ADH7: variants seen among roughly 807,000 people sequenced by gnomAD.
ADH7 encodes alcohol dehydrogenase 7 (class IV), mu or sigma polypeptide.
In ADH7, 41 loss-of-function variants were observed where a neutral mutation model predicts 34.4. The ratio of observed to expected loss-of-function variants is 1.19; its 90% confidence interval spans 0.93 to 1.55. The LOEUF is 1.55. Ranked by LOEUF, ADH7 falls within the 40% of genes most tolerant of loss-of-function variation. The pLI, the probability that ADH7 is intolerant of heterozygous loss-of-function variation, is 0.00. For missense variants in ADH7, 540 were observed against 461.2 expected (o/e 1.17, Z -1.56); for synonymous variants, 180 against 160.9 (o/e 1.12, Z -0.90).
intron 3 of ADH7, 35 bp from the exon 4 acceptor site, chr4:99,428,209 C>A: frequency 6.4e-7 from 1 of 1,553,792 alleles, no homozygotes; most frequent in Non-Finnish European, 8.9e-7. Flanking sequence ...AGATGCTGTT[C>A]ATTAATGTTA....
rs1021485915 is a variant in ADH7, at chr4:99,418,889, T to C, written c.961+97A>G. ...TCCATTTTAGATCACTTCATACTCA[T>C]TCTTGGAAGAAAGGCCTGAGGAAAC... On this transcript the variant is annotated intron_variant, in intron 7 of 8. Transcript: ENST00000437033. 19 of 1,428,622 alleles carry C rather than the reference T, an allele frequency of 1.3e-5. No individual in the cohort carries two copies. In the African/African-American group the frequency reaches 2.4e-4, roughly 18 times the overall value. The allele number at this position is 1,428,622 out of a possible 1,614,324, so 88.5% of individuals were successfully genotyped here.
At chr4:99,422,031 A>G (rs1367772830) in intron 5 of ADH7, among the ~76,000 whole-genome samples, 7 of 152,142 alleles carry the variant, frequency 4.6e-5, no homozygotes, top group Non-Finnish European at 8.8e-5. Flanking sequence ...TGGAGAAATA[A>G]GAACGCTTTT....
intron 2 of ADH7, 91 bp downstream of exon 2, chr4:99,429,441 C>T: frequency 1.2e-6 from 1 of 866,072 alleles, no homozygotes; most frequent in Non-Finnish European, 1.8e-6. Context: ...GGAAGCATCT[C>T]CTTATTTAAG....
intron 5 of ADH7, among the ~76,000 whole-genome samples, chr4:99,422,567 C>T (rs959245854): frequency 8.5e-5 from 13 of 152,094 alleles, no homozygotes; most frequent in East Asian, 7.7e-4. Context: ...ACCACCATGG[C>T]GCACGTATAC....
chr4:99,435,183 A>C (rs762813967), intron 1 of ADH7, 33 bp downstream of exon 1: 14 of 1,609,526 alleles, frequency 8.7e-6, no homozygotes, highest in Non-Finnish European at 1.1e-5. Context: ...TCATTAGGTC[A>C]TGATGAGGAG....
intron 7 of ADH7, among the ~76,000 whole-genome samples, chr4:99,416,289 T>C (rs1032157509): frequency 3.3e-5 from 5 of 152,280 alleles, no homozygotes; most frequent in African/African-American, 1.2e-4. Context: ...TGTTTCTGGA[T>C]CCTGTTCCTT....
At chr4:99,428,452 C>A in intron 3 of ADH7, 40 bp downstream of exon 3, 2 of 1,595,968 alleles carry the variant, frequency 1.3e-6, no homozygotes, top group Non-Finnish European at 1.7e-6. Context: ...CTAATCAAAG[C>A]CTAATTATTT....
chr4:99,422,596 C>A (rs6831961), intron 5 of ADH7, among the ~76,000 whole-genome samples: 7,709 of 151,974 alleles, frequency 0.051, 383 homozygotes, highest in African/African-American at 0.12. Context: ...CAAACCTGCA[C>A]GCTCTGCACA....
chr4:99,417,389 C>T (rs1721544142), intron 7 of ADH7, among the ~76,000 whole-genome samples: 1 of 152,108 alleles, frequency 6.6e-6, no homozygotes. Flanking sequence ...GTTGTATTTA[C>T]TACGTCTCCT....
chr4:99,415,852 C>T (rs925204294), intron 7 of ADH7: 15 of 277,304 alleles, frequency 5.4e-5, no homozygotes, highest in Non-Finnish European at 1.0e-4. Flanking sequence ...AACCATCATT[C>T]TCAGCAAACT....
chr4:99,424,155 T>A (rs1236816628), intron 5 of ADH7, among the ~76,000 whole-genome samples: 1 of 152,236 alleles, frequency 6.6e-6, no homozygotes, highest in Non-Finnish European at 1.5e-5. Flanking sequence ...CCATTTCTTG[T>A]TTTTCTCAGG....
At position 99,427,960 on chromosome 4, in the gene ADH7, C is replaced by A; in HGVS notation, c.377G>T (p.Gly126Val). Residue 126 changes from glycine to valine, a missense_variant, in exon 5 of 9, where the codon GGC becomes GTC. Coordinates refer to ENST00000437033, the MANE Select transcript of ADH7 (RefSeq NM_000673.7). Reference protein sequence around the residue: ...DITGRGVLADGTTRFTCKGKP... With the variant: ...DITGRGVLADVTTRFTCKGKP... ...GCCCTTGCATGTAAATCTGGTGGTG[C>A]CATCAGCCAGTACTCCACGACCAGT... 6.2e-7 allele frequency: 1 copy of A among 1,613,930 alleles called. No individual in the cohort carries two copies. The highest frequency in any genetic ancestry group is 1.3e-5 in the African/African-American group (1 of 75,020).
intron 6 of ADH7, among the ~76,000 whole-genome samples, chr4:99,419,600 C>T (rs1167667418): frequency 6.6e-6 from 1 of 151,964 alleles, no homozygotes; most frequent in Admixed American, 6.6e-5. Context: ...GGTCATTAAC[C>T]CATCCAGTTA....
At chr4:99,431,056 C>G (rs1335077147) in intron 1 of ADH7, among the ~76,000 whole-genome samples, 2 of 152,154 alleles carry the variant, frequency 1.3e-5, no homozygotes, top group African/African-American at 4.8e-5. Flanking sequence ...CCTCGGCCTC[C>G]CAGAGAGCTG....
chr4:99,426,700 A>G (rs1721813533), intron 5 of ADH7, among the ~76,000 whole-genome samples: 1 of 152,196 alleles, frequency 6.6e-6, no homozygotes, highest in Admixed American at 6.5e-5. Context: ...ATCCTCCCTA[A>G]CTCATTTTAT....
At chr4:99,434,953 A>T in intron 1 of ADH7, 1 of 1,277,036 alleles carries the variant, frequency 7.8e-7, no homozygotes, top group Non-Finnish European at 1.1e-6. Context: ...AATTATGAAT[A>T]ATGCCAATAT....
chr4:99,429,526 G>C lies in ADH7; in HGVS notation c.120+6C>G, dbSNP rs748568538. The C allele has an allele frequency of 1.2e-6, 2 of 1,605,672 alleles. No individual in the cohort carries two copies. Among genetic ancestry groups the C allele is most frequent in the Non-Finnish European group, 1.7e-6 (2 of 1,174,338 alleles). On this transcript the variant is annotated splice_donor_region_variant and intron_variant, in intron 2 of 8. Transcript: ENST00000437033. ...TTGGCTTAAGTTCTCTAGGGCTCAC[G>C]CTTACCTTAATGCGAACTTCTTTAG...
chr4:99,420,418 C>G, intron 6 of ADH7, 115 bp downstream of exon 6: 1 of 1,230,248 alleles, frequency 8.1e-7, no homozygotes, highest in Non-Finnish European at 1.1e-6. Flanking sequence ...GTAAAACTGA[C>G]TATCGCAGAG....
intron 7 of ADH7, among the ~76,000 whole-genome samples, chr4:99,417,852 A>G (rs1349276558): frequency 2.0e-5 from 3 of 152,208 alleles, no homozygotes; most frequent in Non-Finnish European, 2.9e-5. Flanking sequence ...TCAACTTCTT[A>G]TATCTCTTAT....
Sources: gnomAD v4.1 joint callset for allele counts (sites outside exome capture counted in the v4.1 genomes callset) on GRCh38, gnomAD v4.1.1 for gene constraint, MANE v1.5 for transcripts, NCBI Gene and HGNC (gene_info 2026-07-23, HGNC 2026-07-21) for gene names.